PCDHA4: variants seen among roughly 807,000 people sequenced by gnomAD.
The protein encoded by PCDHA4 is protocadherin alpha-4.
A neutral mutation model predicts 61.4 loss-of-function variants in PCDHA4; 49 were observed. The ratio of observed to expected loss-of-function variants is 0.80; its 90% CI spans 0.63 to 1.01. PCDHA4 has a LOEUF of 1.01. Ranked by LOEUF, PCDHA4 falls within the 50% of genes least tolerant of loss-of-function variation. The probability of loss-of-function intolerance (pLI) is 0.00; values close to 1 mark genes in which losing one functional copy is unlikely to be tolerated. For missense variants in PCDHA4, 1,254 were observed against 1,235.8 expected (o/e 1.01, Z -0.22); for synonymous variants, 590 against 550.3 (o/e 1.07, Z -1.01).
In PCDHA4 at chr5:140,850,045, T is replaced by C. The variant is rs2150464931; in HGVS notation, c.2385+40473T>C. 3.1e-6 allele frequency: 5 copies of C among 1,596,208 alleles called. No homozygotes were observed. In the African/African-American group the frequency reaches 5.4e-5, roughly 17 times the overall value. On this transcript the variant is annotated intron_variant, in intron 1 of 3. Coordinates refer to ENST00000530339, the MANE Select transcript of PCDHA4 (RefSeq NM_018907.4). Reference sequence around the variant, plus strand: ...TCAGTGCACGCGGAGAGCGGCAAGGTGTACGCGCTGCAGCCGTTGGACCAC... The same window carrying C: ...TCAGTGCACGCGGAGAGCGGCAAGGCGTACGCGCTGCAGCCGTTGGACCAC...
In PCDHA4 at chr5:140,809,146, C is replaced by T; in HGVS notation, c.1959C>T (p.Asp653=). The change falls in exon 1 of 4, where the codon GAC becomes GAT. Residue 653 remains aspartate (D), a synonymous_variant. Transcript: ENST00000530339. ...PRHRLLVLVK[D]HGEPALTATA... is the part of the protein sequence containing the mutation. ...ACCGCCTACTGGTACTGGTGAAGGACCACGGCGAGCCCGCGCTGACGGCCA... is the reference window on the plus strand; with the variant it reads ...ACCGCCTACTGGTACTGGTGAAGGATCACGGCGAGCCCGCGCTGACGGCCA... The T allele has an allele frequency of 6.2e-7, 1 of 1,613,986 alleles. No individual in the cohort carries two copies. Among genetic ancestry groups the T allele is most frequent in the Non-Finnish European group, 8.5e-7 (1 of 1,179,926 alleles).
rs782182425 is a variant in PCDHA4 at position 140,876,300 on chromosome 5, A to C, written c.2385+66728A>C. On this transcript the variant is annotated intron_variant, in intron 1 of 3. Coordinates refer to ENST00000530339, the MANE Select transcript of PCDHA4 (RefSeq NM_018907.4). ...ATCCAGACGAAGGACTTAATGGAGA[A>C]ATTTCCTATGGGATCAAAATGATTT... 2.1e-5 allele frequency: 34 copies of C among 1,613,966 alleles called. No individual in the cohort carries two copies. Among genetic ancestry groups the C allele is most frequent in the Non-Finnish European group, 2.9e-5 (34 of 1,179,910 alleles).
chr5:140,980,981 A>G (rs1255751936), intron 2 of PCDHA4, among the ~76,000 whole-genome samples: 1 of 152,188 alleles, frequency 6.6e-6, no homozygotes, highest in Non-Finnish European at 1.5e-5. Context: ...GACTGAGCCC[A>G]CACAATTTGC....
In PCDHA4 at chr5:140,876,944, C is replaced by T. The variant is rs550148099; in HGVS notation, c.2385+67372C>T. On this transcript the variant is annotated intron_variant, in intron 1 of 3. Transcript: ENST00000530339. ...GACGCGCAGAAGAACGCGCTGGTGT[C>T]CTACTCGCTGGTGGAGCGGCGGGTG... is the stretch of plus-strand genomic sequence containing the variant. The T allele has an allele frequency of 9.9e-6, 16 of 1,613,620 alleles. No individual in the cohort carries two copies. In the South Asian group the frequency reaches 1.5e-4, roughly 16 times the overall value.
chr5:140,808,134 A>G lies in PCDHA4; in HGVS notation c.947A>G (p.Tyr316Cys), dbSNP rs17844278. 1.2e-6 allele frequency: 2 copies of G among 1,614,084 alleles called. No individual in the cohort carries two copies. The highest frequency in any genetic ancestry group is 4.5e-5 in the East Asian group (2 of 44,890). Residue 316 changes from tyrosine (Y) to cysteine (C), a missense_variant, in exon 1 of 4, where the codon TAT (tyrosine) becomes TGT (cysteine). Coordinates refer to ENST00000530339, the MANE Select transcript of PCDHA4 (RefSeq NM_018907.4). ...GYIDFEESKS[Y>C]EIIVEGIDKG... ...ATTGACTTTGAAGAAAGCAAATCCT[A>G]TGAAATTATTGTAGAGGGCATTGAT...
chr5:141,003,708 A>T (rs1251126675), intron 3 of PCDHA4, among the ~76,000 whole-genome samples: 1 of 152,218 alleles, frequency 6.6e-6, no homozygotes, highest in Non-Finnish European at 1.5e-5. Flanking sequence ...CCAATTGTGA[A>T]GATATCGGCT....
At chr5:140,989,894 T>C (rs907697062) in intron 3 of PCDHA4, among the ~76,000 whole-genome samples, 7 of 151,812 alleles carry the variant, frequency 4.6e-5, no homozygotes, top group Admixed American at 3.3e-4. Context: ...GTCTCCGTTA[T>C]TCACAATCAG....
At chr5:140,955,669 G>C (rs1031483633) in intron 1 of PCDHA4, among the ~76,000 whole-genome samples, 2 of 152,094 alleles carry the variant, frequency 1.3e-5, no homozygotes, top group African/African-American at 4.8e-5. Flanking sequence ...TTTTAACATA[G>C]TTTTTTCGAA....
In PCDHA4 at chr5:140,883,616, G is replaced by GACAAC; in HGVS notation, c.2385+74045_2385+74049dup. On this transcript the variant is annotated intron_variant, in intron 1 of 3. Coordinates refer to ENST00000530339, the MANE Select transcript of PCDHA4 (RefSeq NM_018907.4). ...GTCGGTGGGGGTGGCCGACGTGAAC[G>GACAAC]ACAACGCGCCGGCGTTCGCGCAGCC... The GACAAC allele has an allele frequency of 3.1e-6, 5 of 1,614,014 alleles. No homozygotes were observed. The South Asian group carries it at 5.5e-5, about 18-fold the overall frequency.
intron 3 of PCDHA4, among the ~76,000 whole-genome samples, chr5:140,991,146 G>A (rs2097434554): frequency 6.6e-6 from 1 of 151,978 alleles, no homozygotes; most frequent in African/African-American, 2.4e-5. Context: ...AATGTTTTTT[G>A]CTCACCATTG....
intron 1 of PCDHA4, among the ~76,000 whole-genome samples, chr5:140,909,996 T>C (rs549464312): frequency 1.3e-5 from 2 of 152,192 alleles, no homozygotes; most frequent in African/African-American, 4.8e-5. Context: ...ACAGCATAAA[T>C]TGTTGTCAGT....
At chr5:140,929,391 A>G in intron 1 of PCDHA4, 1 of 1,511,404 alleles carries the variant, frequency 6.6e-7, no homozygotes, top group South Asian at 1.4e-5. Flanking sequence ...GTTTTGAAAT[A>G]TTTCTTAGAC....
chr5:140,977,314 C>CTCCTGATG (rs1482871612), intron 1 of PCDHA4, among the ~76,000 whole-genome samples: 1 of 152,152 alleles, frequency 6.6e-6, no homozygotes, highest in African/African-American at 2.4e-5. Context: ...AACGATAGTG[C>CTCCTGATG]TCCTGATGGC....
chr5:140,867,947 C>T (rs1197822100), intron 1 of PCDHA4: 3 of 152,114 alleles, frequency 2.0e-5, no homozygotes, highest in East Asian at 1.9e-4. Context: ...TGAACTTCTG[C>T]TCCCAAACCC....
chr5:140,945,962 G>A (rs1049789327), intron 1 of PCDHA4, among the ~76,000 whole-genome samples: 1 of 152,002 alleles, frequency 6.6e-6, no homozygotes, highest in Non-Finnish European at 1.5e-5. Context: ...GAAAGCACAG[G>A]CAATAAAAGC....
intron 1 of PCDHA4, among the ~76,000 whole-genome samples, chr5:140,976,227 T>C (rs2096706900): frequency 6.6e-6 from 1 of 152,050 alleles, no homozygotes; most frequent in East Asian, 1.9e-4. Context: ...AGAAGAAAAA[T>C]ATATGTCATT....
chr5:140,974,126 T>C (rs1554235851), intron 1 of PCDHA4, among the ~76,000 whole-genome samples: 1 of 152,242 alleles, frequency 6.6e-6, no homozygotes, highest in Non-Finnish European at 1.5e-5. Flanking sequence ...GTGTTTTAAA[T>C]CTGCTAACCT....
In PCDHA4 at chr5:140,843,436, C is replaced by T; in HGVS notation, c.2385+33864C>T. On this transcript the variant is annotated intron_variant, in intron 1 of 3. Coordinates refer to ENST00000530339, the MANE Select transcript of PCDHA4 (RefSeq NM_018907.4). ...ACGTGTACCTGATCATCGCCATCTG[C>T]GCGGTATCCAGCCTGCTGGTGCTCA... 2.5e-6 allele frequency: 4 copies of T among 1,596,080 alleles called. 1 individual carries two copies. The highest frequency in any genetic ancestry group is 3.4e-6 in the Non-Finnish European group (4 of 1,165,610).
intron 1 of PCDHA4, chr5:140,877,976 C>T: frequency 8.0e-7 from 1 of 1,255,054 alleles, no homozygotes. Flanking sequence ...GTCATTCTTA[C>T]TCATTTTGAA....
Sources: gnomAD v4.1 joint callset for allele counts (sites outside exome capture counted in the v4.1 genomes callset) on GRCh38, gnomAD v4.1.1 for gene constraint, MANE v1.5 for transcripts, NCBI Gene and HGNC (gene_info 2026-07-23, HGNC 2026-07-21) for gene names.